NUDT16: variants seen among roughly 807,000 people sequenced by gnomAD.
NUDT16 encodes the protein nudix hydrolase 16.
Under a neutral mutation model 11.7 loss-of-function variants are expected in NUDT16, and 12 were observed. That is an observed-to-expected ratio of 1.03 (90% CI 0.66 to 1.67). The LOEUF (loss-of-function observed/expected upper bound fraction) is 1.67, where lower values mean the gene tolerates loss of function less well. NUDT16 is among the 40% of genes most tolerant of loss of function. The probability of loss-of-function intolerance (pLI) is 0.00; values close to 1 mark genes in which losing one functional copy is unlikely to be tolerated. For synonymous variants in NUDT16, 129 were observed against 122.6 expected (o/e 1.05, Z -0.35); for missense variants, 303 against 268.9 (o/e 1.13, Z -0.89).
Position 131,383,091 on chromosome 3 carries a change from T to C in NUDT16, c.409-71T>C, listed in dbSNP as rs1037125636. 2.0e-6 allele frequency: 3 copies of C among 1,519,500 alleles called. No individual in the cohort carries two copies. The highest frequency in any genetic ancestry group is 4.5e-5 in the East Asian group (2 of 44,218). The allele number at this position is 1,519,500 out of a possible 1,614,324, so 94.1% of individuals were successfully genotyped here. Reference sequence around the variant, plus strand: ...TATTAAGGGGTGAGGCCTGATCTGCTGGAGAAAGGATGGAGTTAAGGGAAT... The same window carrying C: ...TATTAAGGGGTGAGGCCTGATCTGCCGGAGAAAGGATGGAGTTAAGGGAAT... On this transcript the variant is annotated intron_variant, in intron 2 of 2. Coordinates refer to ENST00000521288, the MANE Select transcript of NUDT16 (RefSeq NM_152395.3). This position sits in a 1 kb window ranked among gnomAD's most constrained non-coding sequence, Gnocchi z 4.4.
Position 131,381,958 on chromosome 3 carries a change from G to A in NUDT16, c.138+16G>A. 1.2e-6 allele frequency: 2 copies of A among 1,604,786 alleles called. No individual in the cohort carries two copies. Among genetic ancestry groups the A allele is most frequent in the Non-Finnish European group, 8.5e-7 (1 of 1,174,546 alleles). ...CGCCATACTGGTGAGAAGGGGGCGC[G>A]CCCGGCCACTTTCTGCCTGAGCCCC... On this transcript the variant is annotated intron_variant, in intron 1 of 2. Transcript: ENST00000521288.
At position 131,383,909 on chromosome 3, in the gene NUDT16, C is replaced by T; in HGVS notation, c.*568C>T. 1 of 173,770 alleles carries T rather than the reference C, an allele frequency of 5.8e-6. No individual in the cohort carries two copies. Among genetic ancestry groups the T allele is most frequent in the East Asian group, 1.6e-4 (1 of 6,138 alleles). 10.8% of individuals were successfully genotyped at this position (173,770 alleles called of 1,614,324 possible). On this transcript the variant is annotated 3_prime_UTR_variant, in exon 3 of 3. Coordinates refer to ENST00000521288, the MANE Select transcript of NUDT16 (RefSeq NM_152395.3). This position sits in a 1 kb window ranked among gnomAD's most constrained non-coding sequence, Gnocchi z 4.4. ...GCTCTTAAAAGGTGGGAGAGCAGCC[C>T]AACCAATCCCCAATCCTTTTCTTCT...
rs375496917 is a variant in NUDT16, at chr3:131,381,953, G to A, written c.138+11G>A. Reference sequence around the variant, plus strand: ...CGCTACGCCATACTGGTGAGAAGGGGGCGCGCCCGGCCACTTTCTGCCTGA... The same window carrying A: ...CGCTACGCCATACTGGTGAGAAGGGAGCGCGCCCGGCCACTTTCTGCCTGA... On this transcript the variant is annotated intron_variant, in intron 1 of 2. Coordinates refer to ENST00000521288, the MANE Select transcript of NUDT16 (RefSeq NM_152395.3). The A allele has an allele frequency of 8.7e-6, 14 of 1,606,078 alleles. No homozygotes were observed. In the African/African-American group the frequency reaches 1.7e-4, roughly 20 times the overall value.
intron 2 of NUDT16, 156 bp downstream of exon 2, chr3:131,382,471 C>G: frequency 6.5e-7 from 1 of 1,536,712 alleles, no homozygotes; most frequent in Non-Finnish European, 8.7e-7. Context: ...ATCATCTATA[C>G]TCTGAATTAG....
In NUDT16 at chr3:131,383,592, C is replaced by T. The variant is rs888053097; in HGVS notation, c.*251C>T. 6 of 689,736 alleles carry T rather than the reference C, an allele frequency of 8.7e-6. No individual in the cohort carries two copies. The highest frequency in any genetic ancestry group is 7.2e-5 in the African/African-American group (4 of 55,454). 42.7% of individuals were successfully genotyped at this position (689,736 alleles called of 1,614,324 possible). On this transcript the variant is annotated 3_prime_UTR_variant, in exon 3 of 3. Transcript: ENST00000521288. The surrounding 1 kb of genome is among the most constrained non-coding windows in gnomAD (Gnocchi z 4.4). ...AGCCTGCCTCCTCCCTGTTTATATG[C>T]GTACAGCCTGGTAACCCCCAGGCAT... is the stretch of plus-strand genomic sequence containing the variant.
chr3:131,388,297 G>C lies in NUDT16; in HGVS notation c.*4956G>C, dbSNP rs949577823. 5 of 152,196 alleles carry C rather than the reference G, an allele frequency of 3.3e-5. No homozygotes were observed. Among genetic ancestry groups the C allele is most frequent in the Non-Finnish European group, 7.3e-5 (5 of 68,034 alleles). The allele number at this position is 152,196 out of a possible 1,614,324, so 9.4% of individuals were successfully genotyped here. ...TCAGACAATGAGAATCCAGAGTCTT[G>C]TTAAGTGATAGAAGGAAAATACTAA... is the stretch of plus-strand genomic sequence containing the variant. On this transcript the variant is annotated 3_prime_UTR_variant, in exon 3 of 3. Coordinates refer to ENST00000521288, the MANE Select transcript of NUDT16 (RefSeq NM_152395.3).
In NUDT16 at chr3:131,383,057, C is replaced by A; in HGVS notation, c.409-105C>A. 1 of 1,281,476 alleles carries A rather than the reference C, an allele frequency of 7.8e-7. No individual in the cohort carries two copies. Among genetic ancestry groups the A allele is most frequent in the Non-Finnish European group, 1.1e-6 (1 of 920,092 alleles). The allele number at this position is 1,281,476 out of a possible 1,614,324, so 79.4% of individuals were successfully genotyped here. A position where few individuals can be genotyped will look rare whatever the true frequency, so the allele number is the denominator to read the frequency against. On this transcript the variant is annotated intron_variant, in intron 2 of 2. Transcript: ENST00000521288. This position sits in a 1 kb window ranked among gnomAD's most constrained non-coding sequence, Gnocchi z 4.4. ...TGAGGTGTGAGCCTTGGGCCTGGTT[C>A]TGCTGGAGTATTAAGGGGTGAGGCC...
rs551019900 is a variant in NUDT16, at chr3:131,382,203, AC to A, written c.297del (p.His99GlnfsTer17). On this transcript the variant is annotated frameshift_variant, in exon 2 of 3. Coordinates refer to ENST00000521288, the MANE Select transcript of NUDT16 (RefSeq NM_152395.3). LOFTEE classifies it high-confidence loss of function. ...GAGCGCACTGACTACCGCAGCTCCCACGTCGGGTCAGGGCCACGCGTTGTGG... is the reference window on the plus strand; with the variant it reads ...GAGCGCACTGACTACCGCAGCTCCCAGTCGGGTCAGGGCCACGCGTTGTGG... Reference protein sequence around the residue: ...RVERTDYRSSHVGSGPRVVAH... With the variant: ...RVERTDYRSSXVGSGPRVVAH... 71 of 1,611,268 alleles carry A rather than the reference AC, an allele frequency of 4.4e-5. No homozygotes were observed. In the East Asian group the frequency reaches 1.5e-3, roughly 34 times the overall value.
Position 131,381,882 on chromosome 3 carries a change from C to A in NUDT16, c.78C>A (p.Leu26=). 6.2e-7 allele frequency: 1 copy of A among 1,609,092 alleles called. No homozygotes were observed. The highest frequency in any genetic ancestry group is 8.5e-7 in the Non-Finnish European group (1 of 1,179,600). Reference sequence around the variant, plus strand: ...GCTGGCGTCATGCGTGCCACGCTCTCCTCTACGCGCCGGACCCTGGGATGC... The same window carrying A: ...GCTGGCGTCATGCGTGCCACGCTCTACTCTACGCGCCGGACCCTGGGATGC... The part of the protein sequence containing the change: ...GSGWRHACHA[L]LYAPDPGMLF... Residue 26 remains leucine, a synonymous_variant, in exon 1 of 3, where the codon CTC becomes CTA. Transcript: ENST00000521288.
At chr3:131,382,667 G>A (rs1406362733) in intron 2 of NUDT16, 1 of 1,443,398 alleles carries the variant, frequency 6.9e-7, no homozygotes, top group Non-Finnish European at 9.0e-7. Context: ...AGGAGATGTG[G>A]CCCTGATATT....
Position 131,381,788 on chromosome 3 carries a change from A to T in NUDT16, c.-17A>T. 1 of 1,541,052 alleles carries T rather than the reference A, an allele frequency of 6.5e-7. No homozygotes were observed. Among genetic ancestry groups the T allele is most frequent in the Non-Finnish European group, 8.7e-7 (1 of 1,149,850 alleles). ...GCCCATTGGGCCTTCGGGACAGCAG[A>T]GGAGCAGTGTCCGGCCATGGCCGGA... On this transcript the variant is annotated 5_prime_UTR_variant, in exon 1 of 3. Coordinates refer to ENST00000521288, the MANE Select transcript of NUDT16 (RefSeq NM_152395.3).
At chr3:131,382,739 GA>G (rs1348780138) in intron 2 of NUDT16, 17 of 1,368,174 alleles carry the variant, frequency 1.2e-5, no homozygotes, top group African/African-American at 8.8e-5. Context: ...GCAGGTAGCA[GA>G]ATCATCGGGG....
In NUDT16 at chr3:131,383,630, T is replaced by G; in HGVS notation, c.*289T>G. On this transcript the variant is annotated 3_prime_UTR_variant, in exon 3 of 3. Coordinates refer to ENST00000521288, the MANE Select transcript of NUDT16 (RefSeq NM_152395.3). The surrounding 1 kb of genome is among the most constrained non-coding windows in gnomAD (Gnocchi z 4.4). The stretch of plus-strand genomic sequence containing the variant: ...AACCCCCAGGCATGCAAATATACAA[T>G]CTGTAACAACACACAGCCTGACACC... 1.7e-6 allele frequency: 1 copy of G among 605,280 alleles called. No individual in the cohort carries two copies. 37.5% of individuals were successfully genotyped at this position (605,280 alleles called of 1,614,324 possible). A position where few individuals can be genotyped will look rare whatever the true frequency, so the allele number is the denominator to read the frequency against.
Position 131,383,465 on chromosome 3 carries a change from A to C in NUDT16, c.*124A>C. The stretch of plus-strand genomic sequence containing the variant: ...TGATACATGATACCAGATGAAAAGA[A>C]GGAGAAGTGTGTACCATATGTTTTG... On this transcript the variant is annotated 3_prime_UTR_variant, in exon 3 of 3. Coordinates refer to ENST00000521288, the MANE Select transcript of NUDT16 (RefSeq NM_152395.3). This position sits in a 1 kb window ranked among gnomAD's most constrained non-coding sequence, Gnocchi z 4.4. 1 of 1,538,224 alleles carries C rather than the reference A, an allele frequency of 6.5e-7. No homozygotes were observed.
chr3:131,381,834 C>G lies in NUDT16; in HGVS notation c.30C>G (p.Gly10=). The change falls in exon 1 of 3, where the codon GGC becomes GGG. Residue 10 remains glycine (G), a synonymous_variant. Transcript: ENST00000521288. MAGARRLEL[G]EALALGSGWR... is the part of the protein sequence containing the mutation. ...CCGGAGCCCGCAGGCTGGAGCTAGG[C>G]GAGGCCCTGGCGCTGGGGTCGGGCT... 6.3e-7 allele frequency: 1 copy of G among 1,584,580 alleles called. No individual in the cohort carries two copies. Among genetic ancestry groups the G allele is most frequent in the Admixed American group, 1.8e-5 (1 of 56,804 alleles).
chr3:131,385,416 A>C lies in NUDT16; in HGVS notation c.*2075A>C, dbSNP rs775710938. The C allele has an allele frequency of 1.3e-5, 2 of 152,500 alleles. No individual in the cohort carries two copies. The highest frequency in any genetic ancestry group is 2.9e-5 in the Non-Finnish European group (2 of 68,132). The allele number at this position is 152,500 out of a possible 1,614,324, so 9.4% of individuals were successfully genotyped here. ...TGAAGCAAGAAACCGACAGATGTTG[A>C]GGAGAATGGTGTGACCTAGGAGTCA... is the stretch of plus-strand genomic sequence containing the variant. On this transcript the variant is annotated 3_prime_UTR_variant, in exon 3 of 3. Transcript: ENST00000521288.
Position 131,383,193 on chromosome 3 carries a change from C to A in NUDT16, c.440C>A (p.Thr147Asn). ...GGCCTGGTGCGAGTGCCCCTGTATACCCTGCGGGATGGTGTAGGAGGCCTG... is the reference window on the plus strand; with the variant it reads ...GGCCTGGTGCGAGTGCCCCTGTATAACCTGCGGGATGGTGTAGGAGGCCTG... ...VLGLVRVPLY[T>N]LRDGVGGLPT... Residue 147 changes from threonine (T) to asparagine (N), a missense_variant, in exon 3 of 3, where the codon ACC becomes AAC. Physicochemically the swap from Thr to Asn is moderately conservative, Grantham distance 65. Coordinates refer to ENST00000521288, the MANE Select transcript of NUDT16 (RefSeq NM_152395.3). This position sits in a 1 kb window ranked among gnomAD's most constrained non-coding sequence, Gnocchi z 4.4. The A allele has an allele frequency of 6.2e-7, 1 of 1,613,396 alleles. No homozygotes were observed. The highest frequency in any genetic ancestry group is 8.5e-7 in the Non-Finnish European group (1 of 1,180,012).
rs1332775835 is a variant in NUDT16, at chr3:131,385,709, T to C, written c.*2368T>C. ...ATCTCCTAATCTTACCCTGACCCTT[T>C]TGTCAAACGTTATCTAGATTAAACC... is the stretch of plus-strand genomic sequence containing the variant. On this transcript the variant is annotated 3_prime_UTR_variant, in exon 3 of 3. Transcript: ENST00000521288. 6.6e-6 allele frequency: 1 copy of C among 152,238 alleles called. No individual in the cohort carries two copies. Among genetic ancestry groups the C allele is most frequent in the Admixed American group, 6.5e-5 (1 of 15,290 alleles). The allele number at this position is 152,238 out of a possible 1,614,324, so 9.4% of individuals were successfully genotyped here. A position where few individuals can be genotyped will look rare whatever the true frequency, so the allele number is the denominator to read the frequency against.
chr3:131,383,389 C>G lies in NUDT16; in HGVS notation c.*48C>G. 1 of 1,611,050 alleles carries G rather than the reference C, an allele frequency of 6.2e-7. No individual in the cohort carries two copies. Among genetic ancestry groups the G allele is most frequent in the Non-Finnish European group, 8.5e-7 (1 of 1,179,056 alleles). ...GAAAACTGAGATGAGGACCTTGGTA[C>G]TAGGGAGGGAGGGAAGGACGTGGGA... On this transcript the variant is annotated 3_prime_UTR_variant, in exon 3 of 3. Transcript: ENST00000521288. This position sits in a 1 kb window ranked among gnomAD's most constrained non-coding sequence, Gnocchi z 4.4.
Sources: allele counts gnomAD v4.1 joint callset, GRCh38; gene constraint gnomAD v4.1.1; non-coding constraint Gnocchi (gnomAD v3.1); transcripts MANE v1.5; gene names NCBI Gene and HGNC (gene_info 2026-07-23, HGNC 2026-07-21).